FAF1: variants seen among roughly 807,000 people sequenced by gnomAD.
FAF1 encodes Fas associated factor 1.
A neutral mutation model predicts 92.5 loss-of-function variants in FAF1; 25 were observed. That is an observed-to-expected ratio of 0.27 (90% CI 0.20 to 0.38). The LOEUF (loss-of-function observed/expected upper bound fraction) is 0.38. Ranked by LOEUF, FAF1 falls within the 10% of genes least tolerant of loss-of-function variation. The pLI, the probability that FAF1 is intolerant of heterozygous loss-of-function variation, is 1.00. For missense variants in FAF1, 636 were observed against 793.3 expected (o/e 0.80, Z 2.38); for synonymous variants, 234 against 273.2 (o/e 0.86, Z 1.42).
intron 17 of FAF1, among the ~76,000 whole-genome samples, chr1:50,485,790 G>T (rs1351679012): frequency 6.6e-6 from 1 of 151,840 alleles, no homozygotes; most frequent in African/African-American, 2.4e-5. Flanking sequence ...TGACTGGGAG[G>T]CCTCAAGAAA....
chr1:50,469,164 G>C (rs1030804550), intron 18 of FAF1, among the ~76,000 whole-genome samples: 1 of 151,930 alleles, frequency 6.6e-6, no homozygotes, highest in Non-Finnish European at 1.5e-5. Context: ...AAAAATTCAG[G>C]TGTCCTGTCA....
chr1:50,864,527 A>G (rs1339097521), intron 1 of FAF1, among the ~76,000 whole-genome samples: 1 of 152,112 alleles, frequency 6.6e-6, no homozygotes, highest in South Asian at 2.1e-4. Context: ...GCCCTCAGAA[A>G]TAACACCACA....
At position 50,653,409 on chromosome 1, in the gene FAF1, G is replaced by A. The variant is rs750117936; in HGVS notation, c.744+2033C>T. On this transcript the variant is annotated intron_variant, in intron 8 of 18. Coordinates refer to ENST00000396153, the MANE Select transcript of FAF1 (RefSeq NM_007051.3). ...CTCTTATTGCCCAGTGGAGTGCAATGGCACAATCTTGGCTCACTGCAACCT... is the reference window on the plus strand; with the variant it reads ...CTCTTATTGCCCAGTGGAGTGCAATAGCACAATCTTGGCTCACTGCAACCT... Among the ~76,000 whole-genome samples the A allele has an allele frequency of 3.9e-5, 6 of 152,234 alleles. No individual in the cohort carries two copies. In the South Asian group the frequency reaches 1.2e-3, roughly 32 times the overall value.
chr1:50,799,437 C>G (rs1661889829), intron 3 of FAF1, among the ~76,000 whole-genome samples: 2 of 151,982 alleles, frequency 1.3e-5, no homozygotes, highest in Non-Finnish European at 2.9e-5. Flanking sequence ...ATCATATACC[C>G]TCTTGGATTC....
At chr1:50,749,532 T>G (rs915497560) in intron 4 of FAF1, among the ~76,000 whole-genome samples, 13 of 152,108 alleles carry the variant, frequency 8.5e-5, no homozygotes, top group African/African-American at 3.1e-4. Flanking sequence ...ATGCCTATAA[T>G]CCCAGCACTT....
intron 15 of FAF1, among the ~76,000 whole-genome samples, chr1:50,525,887 A>G (rs1647769022): frequency 6.6e-6 from 1 of 152,178 alleles, no homozygotes; most frequent in South Asian, 2.1e-4. Context: ...ACACTCTTTC[A>G]TCTTAATTTG....
chr1:50,533,338 G>T (rs1648282980), intron 15 of FAF1, among the ~76,000 whole-genome samples: 4 of 152,152 alleles, frequency 2.6e-5, no homozygotes, highest in Admixed American at 1.3e-4. Flanking sequence ...CTCCCAAAGT[G>T]TTGGGATTAC....
intron 6 of FAF1, among the ~76,000 whole-genome samples, chr1:50,718,349 T>C (rs1658275608): frequency 6.6e-6 from 1 of 152,168 alleles, no homozygotes; most frequent in South Asian, 2.1e-4. Context: ...TTAATCAGTG[T>C]AAATGGGAAC....
intron 15 of FAF1, among the ~76,000 whole-genome samples, chr1:50,510,165 C>CAAAAAA (rs34071985): frequency 1.6e-5 from 1 of 60,946 alleles, no homozygotes; most frequent in Admixed American, 1.5e-4. Flanking sequence ...GACTCTGTCT[C>CAAAAAA]AAAAAAAAAA....
intron 6 of FAF1, among the ~76,000 whole-genome samples, chr1:50,713,536 A>G (rs1658037491): frequency 6.6e-6 from 1 of 152,112 alleles, no homozygotes; most frequent in Non-Finnish European, 1.5e-5. Flanking sequence ...GGCCTCCCAC[A>G]GTGCTGGGAT....
intron 2 of FAF1, among the ~76,000 whole-genome samples, chr1:50,803,613 G>A (rs1036327535): frequency 6.6e-6 from 1 of 152,110 alleles, no homozygotes; most frequent in African/African-American, 2.4e-5. Flanking sequence ...ACAAAGAAAA[G>A]TCACCTATTC....
chr1:50,934,912 G>C (rs573266984), intron 1 of FAF1, among the ~76,000 whole-genome samples: 23 of 152,108 alleles, frequency 1.5e-4, no homozygotes, highest in African/African-American at 5.5e-4. Context: ...TTCTATTCAT[G>C]AATGTTTTTC....
At chr1:50,710,817 T>C (rs1657891756) in intron 6 of FAF1, among the ~76,000 whole-genome samples, 1 of 151,972 alleles carries the variant, frequency 6.6e-6, no homozygotes, top group Non-Finnish European at 1.5e-5. Flanking sequence ...TTAGCCAGGA[T>C]GGTCTCAATT....
intron 17 of FAF1, among the ~76,000 whole-genome samples, chr1:50,484,079 T>C (rs1557963685): frequency 6.6e-6 from 1 of 152,118 alleles, no homozygotes; most frequent in Non-Finnish European, 1.5e-5. Context: ...AATATAGCCA[T>C]ATAATATAGT....
chr1:50,901,183 G>T (rs1644793559), intron 1 of FAF1, among the ~76,000 whole-genome samples: 1 of 151,974 alleles, frequency 6.6e-6, no homozygotes, highest in Admixed American at 6.6e-5. Context: ...ATATAATCCT[G>T]CTTGGAATGG....
At chr1:50,798,128 AT>A in intron 3 of FAF1, among the ~76,000 whole-genome samples, 1 of 152,176 alleles carries the variant, frequency 6.6e-6, no homozygotes, top group Middle Eastern at 3.4e-3. Flanking sequence ...ATCAAATCAG[AT>A]TTTTTAAATG....
At chr1:50,914,711 CA>C (rs1252135282) in intron 1 of FAF1, among the ~76,000 whole-genome samples, 3 of 152,182 alleles carry the variant, frequency 2.0e-5, no homozygotes, top group African/African-American at 7.2e-5. Context: ...ATCCCTCCCA[CA>C]TAACTGAAAA....
intron 9 of FAF1, among the ~76,000 whole-genome samples, chr1:50,594,695 A>AC (rs1417786849): frequency 6.6e-6 from 1 of 151,224 alleles, no homozygotes; most frequent in Non-Finnish European, 1.5e-5. Context: ...ATATAGTGAA[A>AC]CCCCGTCTCT....
At chr1:50,681,674 ATTTTTTT>A (rs1211289812) in intron 7 of FAF1, among the ~76,000 whole-genome samples, 1 of 131,966 alleles carries the variant, frequency 7.6e-6, no homozygotes, top group Non-Finnish European at 1.7e-5. Flanking sequence ...TGTAATCCCT[ATTTTTTT>A]TTTTTTTTGT....
Sources: allele counts gnomAD v4.1 joint callset (sites outside exome capture counted in the v4.1 genomes callset), GRCh38; gene constraint gnomAD v4.1.1; transcripts MANE v1.5; gene names NCBI Gene and HGNC (gene_info 2026-07-23, HGNC 2026-07-21).